Variants in MICU1 observed in about 807,000 individuals in gnomAD.
MICU1 encodes the protein calcium uptake protein 1, mitochondrial.
MICU1 carries 45 observed loss-of-function variants against 56.8 expected under a neutral mutation model. The observed-to-expected ratio is 0.79, with a 90% confidence interval of 0.62 to 1.02. MICU1 has a LOEUF of 1.02. MICU1 is among the 50% of genes least tolerant of loss of function. MICU1 has a pLI of 0.00. For missense variants in MICU1, 504 were observed against 587.1 expected (o/e 0.86, Z 1.46); for synonymous variants, 186 against 195.1 (o/e 0.95, Z 0.39).
chr10:72,521,260 A>T (rs980219582), intron 5 of MICU1, among the ~76,000 whole-genome samples: 27 of 152,268 alleles, frequency 1.8e-4, no homozygotes, highest in Admixed American at 3.3e-4. Flanking sequence ...CCTTGATCTA[A>T]ACTGCTTTAG....
chr10:72,608,206 T>C (rs140547513), intron 1 of MICU1, among the ~76,000 whole-genome samples: 2,355 of 152,224 alleles, frequency 0.015, 61 homozygotes, highest in African/African-American at 0.053. Flanking sequence ...GTAGCTGCGA[T>C]TACAGGCATG....
intron 4 of MICU1, among the ~76,000 whole-genome samples, chr10:72,536,884 G>A (rs1839651008): frequency 6.6e-6 from 1 of 152,060 alleles, no homozygotes. Context: ...AGCCAAATAT[G>A]GCTACTGGCT....
intron 9 of MICU1, among the ~76,000 whole-genome samples, chr10:72,422,712 T>A (rs1864215443): frequency 9.6e-6 from 1 of 104,054 alleles, no homozygotes; most frequent in African/African-American, 3.4e-5. Flanking sequence ...TCTCTTTAGG[T>A]ATTCTTTTTT....
At chr10:72,432,611 G>A (rs1166767228) in intron 8 of MICU1, among the ~76,000 whole-genome samples, 2 of 152,232 alleles carry the variant, frequency 1.3e-5, no homozygotes, top group African/African-American at 4.8e-5. Flanking sequence ...TGAAGTGGGA[G>A]CAGGCATATT....
Position 72,566,621 on chromosome 10 carries a change from G to T in MICU1, c.161+12C>A. 2 of 1,608,152 alleles carry T rather than the reference G, an allele frequency of 1.2e-6. No individual in the cohort carries two copies. The highest frequency in any genetic ancestry group is 1.7e-6 in the Non-Finnish European group (2 of 1,177,408). ...AGTATACGCAAGAACAAGATGGTTG[G>T]ATAACACTCACCTCTTCCACAAAAG... On this transcript the variant is annotated intron_variant, in intron 2 of 11. Coordinates refer to ENST00000361114, the MANE Select transcript of MICU1 (RefSeq NM_001195518.2).
intron 5 of MICU1, among the ~76,000 whole-genome samples, chr10:72,512,724 G>A (rs1244931082): frequency 1.2e-5 from 1 of 83,332 alleles, no homozygotes; most frequent in Non-Finnish European, 3.3e-5. Context: ...TTTTGAGACA[G>A]TGTCTCACTC....
chr10:72,501,929 T>C (rs763116590), intron 6 of MICU1: 4 of 152,170 alleles, frequency 2.6e-5, no homozygotes, highest in Non-Finnish European at 5.9e-5. Flanking sequence ...ATAACATGCT[T>C]TCTTTAGAAA....
intron 9 of MICU1, among the ~76,000 whole-genome samples, chr10:72,421,720 T>C (rs771600085): frequency 1.3e-5 from 2 of 152,226 alleles, no homozygotes; most frequent in Non-Finnish European, 2.9e-5. Flanking sequence ...AATAGGCTTA[T>C]TATCAGTCTT....
At chr10:72,498,041 G>A (rs937953010) in intron 6 of MICU1, among the ~76,000 whole-genome samples, 1 of 152,160 alleles carries the variant, frequency 6.6e-6, no homozygotes, top group Admixed American at 6.5e-5. Context: ...AAATATTTCT[G>A]TAGCTGTTAT....
At chr10:72,427,738 ATATAT>A (rs1864394019) in intron 8 of MICU1, among the ~76,000 whole-genome samples, 2 of 20,606 alleles carry the variant, frequency 9.7e-5, no homozygotes, top group South Asian at 8.2e-4. Flanking sequence ...TCTAAAATAT[ATATAT>A]ATATATATAT....
chr10:72,517,800 GA>G (rs1867695488), intron 5 of MICU1, among the ~76,000 whole-genome samples: 1 of 146,658 alleles, frequency 6.8e-6, no homozygotes, highest in Non-Finnish European at 1.5e-5. Flanking sequence ...TTTTTTTAAA[GA>G]AAATGTCAAG....
chr10:72,551,221 C>G lies in MICU1; in HGVS notation c.451G>C (p.Asp151His). The stretch of plus-strand genomic sequence containing the variant: ...TTGGGTGTTATGGATCGCACAAAAT[C>G]TTCTGGTGTCATAAACACTTCTGCT... ...GEAEVFMTPE[D>H]FVRSITPNEK... The change falls in exon 4 of 12, where the codon GAT becomes CAT. Residue 151 changes from aspartate (D) to histidine (H), a missense_variant. Coordinates refer to ENST00000361114, the MANE Select transcript of MICU1 (RefSeq NM_001195518.2). 6.2e-7 allele frequency: 1 copy of G among 1,609,210 alleles called. No individual in the cohort carries two copies. Among genetic ancestry groups the G allele is most frequent in the Non-Finnish European group, 8.5e-7 (1 of 1,177,724 alleles).
rs753866798 is a variant in MICU1, at chr10:72,562,978, A to T, written c.247T>A (p.Cys83Ser). The change falls in exon 3 of 12, where the codon TGT becomes AGT. Residue 83 changes from cysteine to serine, a missense_variant. Cys to Ser is a moderately radical substitution (Grantham distance 112). Transcript: ENST00000361114. ...TCTGCAGTCTTTTTCTCATGGTTAC[A>T]AACATCCCCTTCATCTTTATTCTTC... ...KGKNKDEGDV[C>S]NHEKKTADLA... 1.9e-6 allele frequency: 3 copies of T among 1,610,398 alleles called. No individual in the cohort carries two copies. The East Asian group carries it at 6.7e-5, about 36-fold the overall frequency.
At chr10:72,520,387 C>T (rs948177119) in intron 5 of MICU1, among the ~76,000 whole-genome samples, 2 of 152,098 alleles carry the variant, frequency 1.3e-5, no homozygotes, top group African/African-American at 2.4e-5. Flanking sequence ...TCTGAACTTG[C>T]AGAAGGGTAG....
intron 8 of MICU1, among the ~76,000 whole-genome samples, chr10:72,452,802 A>G (rs766815325): frequency 5.9e-5 from 9 of 151,614 alleles, no homozygotes; most frequent in Non-Finnish European, 1.3e-4. Flanking sequence ...TTTGACATAC[A>G]CTAATTATAG....
chr10:72,584,090 T>C (rs1044995187), intron 1 of MICU1, among the ~76,000 whole-genome samples: 1 of 152,232 alleles, frequency 6.6e-6, no homozygotes, highest in Non-Finnish European at 1.5e-5. Flanking sequence ...ACAGAAGCTT[T>C]GCACATGTTC....
intron 10 of MICU1, among the ~76,000 whole-genome samples, chr10:72,377,745 C>T (rs1341396503): frequency 6.6e-6 from 1 of 152,160 alleles, no homozygotes; most frequent in African/African-American, 2.4e-5. Context: ...ATGAAGAGCT[C>T]TCTATAATCA....
chr10:72,579,410 A>G (rs1208282236), intron 1 of MICU1, among the ~76,000 whole-genome samples: 2 of 152,100 alleles, frequency 1.3e-5, no homozygotes, highest in African/African-American at 2.4e-5. Flanking sequence ...ATCTCCTTCA[A>G]TACCAACATT....
chr10:72,499,755 T>A (rs538653095), intron 6 of MICU1, among the ~76,000 whole-genome samples: 1 of 152,282 alleles, frequency 6.6e-6, no homozygotes, highest in Admixed American at 6.5e-5. Flanking sequence ...TGTTAGGCCT[T>A]GCCCATATTT....
Sources: gnomAD v4.1 joint callset for allele counts (sites outside exome capture counted in the v4.1 genomes callset) on GRCh38, gnomAD v4.1.1 for gene constraint, MANE v1.5 for transcripts, NCBI Gene and HGNC (gene_info 2026-07-23, HGNC 2026-07-21) for gene names.